RORA: variants seen among roughly 807,000 people sequenced by gnomAD.
RORA encodes the protein RAR related orphan receptor A.
Under a neutral mutation model 69.5 loss-of-function variants are expected in RORA, and 7 were observed. The observed-to-expected ratio is 0.10, with a 90% confidence interval of 0.06 to 0.19. RORA has a LOEUF of 0.19. Among genes scored for constraint, RORA ranks in the 10% least tolerant of loss-of-function variants. The probability of loss-of-function intolerance (pLI) is 1.00; values close to 1 mark genes in which losing one functional copy is unlikely to be tolerated. For missense variants in RORA, 457 were observed against 663.0 expected (o/e 0.69, Z 3.41); for synonymous variants, 261 against 240.8 (o/e 1.08, Z -0.78).
intron 1 of RORA, among the ~76,000 whole-genome samples, chr15:60,778,036 A>T: frequency 6.6e-6 from 1 of 152,270 alleles, no homozygotes; most frequent in Non-Finnish European, 1.5e-5. Flanking sequence ...GACTCAATTG[A>T]CTTAAAACTC....
At chr15:61,032,904 A>G (rs1896246202) in intron 1 of RORA, among the ~76,000 whole-genome samples, 2 of 152,358 alleles carry the variant, frequency 1.3e-5, no homozygotes, top group South Asian at 4.1e-4. Flanking sequence ...ATACATTTAT[A>G]TTATGATAAT....
intron 1 of RORA, among the ~76,000 whole-genome samples, chr15:61,127,963 T>A (rs2140835582): frequency 6.6e-6 from 1 of 152,306 alleles, no homozygotes. Flanking sequence ...TGCATCAGCT[T>A]CTTACAGCTA....
At chr15:60,794,831 C>T (rs568181841) in intron 1 of RORA, among the ~76,000 whole-genome samples, 5 of 152,192 alleles carry the variant, frequency 3.3e-5, no homozygotes, top group East Asian at 1.9e-4. Flanking sequence ...GTGCCTCATG[C>T]GCCCATATCC....
intron 1 of RORA, among the ~76,000 whole-genome samples, chr15:60,943,940 A>AAAAAAAAAAAAAAAAAAAAAT (rs397950785): frequency 7.0e-6 from 1 of 142,394 alleles, no homozygotes; most frequent in Non-Finnish European, 1.5e-5. Flanking sequence ...AAAAAAAAAA[A>AAAAAAAAAAAAAAAAAAAAAT]GTGAGTAATG....
chr15:60,886,021 C>T (rs1313178662), intron 1 of RORA, among the ~76,000 whole-genome samples: 1 of 152,312 alleles, frequency 6.6e-6, no homozygotes, highest in South Asian at 2.1e-4. Flanking sequence ...GGAATCACTT[C>T]CCCACTGTTT....
rs34707279 is a variant in RORA, at chr15:60,517,110, C to CTTTTTTT, written c.283-2360_283-2354dup. On this transcript the variant is annotated intron_variant, in intron 3 of 10. Transcript: ENST00000335670. ...TTATTTTTCTTTTTGTTCATCTGTG[C>CTTTTTTT]TTTTTTTTTTTTTCCCCCCTACAAT... Among the ~76,000 whole-genome samples, 668 of 141,206 alleles carry CTTTTTTT rather than the reference C, an allele frequency of 4.7e-3. 38 individuals carry two copies. Among genetic ancestry groups the CTTTTTTT allele is most frequent in the African/African-American group, 0.018 (634 of 35,446 alleles). The allele number at this position is 141,206 out of a possible 152,430, so 92.6% of individuals were successfully genotyped here. A position where few individuals can be genotyped will look rare whatever the true frequency, so the allele number is the denominator to read the frequency against.
At chr15:60,694,324 C>G (rs920944655) in intron 1 of RORA, among the ~76,000 whole-genome samples, 1 of 152,140 alleles carries the variant, frequency 6.6e-6, no homozygotes, top group South Asian at 2.1e-4. Flanking sequence ...AAATGCTCCT[C>G]CCATGCCCAC....
chr15:60,597,401 T>C (rs2068689998), intron 2 of RORA, among the ~76,000 whole-genome samples: 1 of 148,364 alleles, frequency 6.7e-6, no homozygotes, highest in South Asian at 2.2e-4. Flanking sequence ...CACACACCAG[T>C]CAAGGCAGGA....
chr15:60,656,917 A>G (rs1202944929), intron 2 of RORA, among the ~76,000 whole-genome samples: 3 of 152,214 alleles, frequency 2.0e-5, no homozygotes, highest in Non-Finnish European at 2.9e-5. Context: ...TTGGGACCCA[A>G]CTACAAAGTA....
At chr15:60,518,579 C>G (rs2141373124) in intron 3 of RORA, among the ~76,000 whole-genome samples, 2 of 152,368 alleles carry the variant, frequency 1.3e-5, no homozygotes, top group South Asian at 4.1e-4. Flanking sequence ...AGCACACCTT[C>G]TTCATCAGGC....
At chr15:60,946,952 C>A (rs910640377) in intron 1 of RORA, among the ~76,000 whole-genome samples, 8 of 151,600 alleles carry the variant, frequency 5.3e-5, no homozygotes, top group Non-Finnish European at 1.2e-4. Context: ...CGTCTCTGCC[C>A]CGCCGCCCTC....
chr15:60,964,193 T>C (rs1893487740), intron 1 of RORA, among the ~76,000 whole-genome samples: 1 of 152,250 alleles, frequency 6.6e-6, no homozygotes. Context: ...TGAATGGTTT[T>C]CCCATTCTGT....
intron 2 of RORA, among the ~76,000 whole-genome samples, chr15:60,608,607 A>G (rs147331169): frequency 6.6e-6 from 1 of 152,320 alleles, no homozygotes; most frequent in African/African-American, 2.4e-5. Flanking sequence ...TATTTTGAGA[A>G]ACACAGGTTG....
chr15:60,667,398 G>A (rs1366384672), intron 2 of RORA, among the ~76,000 whole-genome samples: 1 of 147,674 alleles, frequency 6.8e-6, no homozygotes, highest in Non-Finnish European at 1.5e-5. Flanking sequence ...ACTGAGAAAC[G>A]AAATCGGAGG....
intron 3 of RORA, among the ~76,000 whole-genome samples, chr15:60,522,201 G>C (rs1392963374): frequency 1.3e-5 from 2 of 152,112 alleles, no homozygotes; most frequent in Non-Finnish European, 2.9e-5. Context: ...TTATTTTACT[G>C]TTATCAATGT....
chr15:60,786,724 C>A (rs1009123226), intron 1 of RORA, among the ~76,000 whole-genome samples: 13 of 152,236 alleles, frequency 8.5e-5, no homozygotes, highest in Admixed American at 7.8e-4. Flanking sequence ...GTCTGTCATT[C>A]CTCCAGTGGT....
intron 3 of RORA, among the ~76,000 whole-genome samples, chr15:60,525,964 G>T (rs1414880018): frequency 6.6e-6 from 1 of 151,992 alleles, no homozygotes; most frequent in Non-Finnish European, 1.5e-5. Context: ...TTATTGAGGG[G>T]TAAACATAAA....
rs1016041355 is a variant in RORA, at chr15:61,015,187, C to A, written c.166+213866G>T. Among the ~76,000 whole-genome samples, 25 of 152,268 alleles carry A rather than the reference C, an allele frequency of 1.6e-4. No individual in the cohort carries two copies. The East Asian group carries it at 3.9e-3, about 24-fold the overall frequency. On this transcript the variant is annotated intron_variant, in intron 1 of 10. Coordinates refer to ENST00000335670, the MANE Select transcript of RORA (RefSeq NM_134261.3). ...ACTTGCCATGCACAGGTACCGGATG[C>A]CTTCCCACCTGAGACAGATCTCAAT...
At chr15:60,526,646 A>G (rs781756320) in intron 3 of RORA, among the ~76,000 whole-genome samples, 4 of 152,230 alleles carry the variant, frequency 2.6e-5, no homozygotes, top group South Asian at 2.1e-4. Flanking sequence ...TAAGGATGCA[A>G]TAACAGCTTG....
Sources: allele counts gnomAD v4.1 joint callset (sites outside exome capture counted in the v4.1 genomes callset), GRCh38; gene constraint gnomAD v4.1.1; transcripts MANE v1.5; gene names NCBI Gene and HGNC (gene_info 2026-07-23, HGNC 2026-07-21).